PLEKHH2: variants seen among roughly 807,000 people sequenced by gnomAD.
The protein encoded by PLEKHH2 is pleckstrin homology, MyTH4 and FERM domain containing H2.
A neutral mutation model predicts 187.9 loss-of-function variants in PLEKHH2; 129 were observed. That is an observed-to-expected ratio of 0.69 (90% CI 0.59 to 0.79). The LOEUF is 0.79. Ranked by LOEUF, PLEKHH2 falls within the 30% of genes least tolerant of loss-of-function variation. The pLI, the probability that PLEKHH2 is intolerant of heterozygous loss-of-function variation, is 0.00. For missense variants in PLEKHH2, 2,076 were observed against 1,751.2 expected (o/e 1.19, Z -3.31); for synonymous variants, 686 against 605.6 (o/e 1.13, Z -1.95).
intron 27 of PLEKHH2, among the ~76,000 whole-genome samples, chr2:43,760,160 A>G (rs916685741): frequency 6.6e-6 from 1 of 152,160 alleles, no homozygotes; most frequent in South Asian, 2.1e-4. Flanking sequence ...GTAATATTAA[A>G]TACCCTTTTC....
chr2:43,735,732 G>T (rs1213762421), intron 19 of PLEKHH2, among the ~76,000 whole-genome samples: 1 of 152,108 alleles, frequency 6.6e-6, no homozygotes, highest in Non-Finnish European at 1.5e-5. Context: ...ATTTTTTAAT[G>T]TTAGAAAATA....
intron 23 of PLEKHH2, 141 bp from the exon 24 acceptor site, chr2:43,745,725 G>T (rs763878600): frequency 3.5e-6 from 2 of 576,440 alleles, no homozygotes; most frequent in Non-Finnish European, 3.0e-6. Flanking sequence ...ACTCAGAGCC[G>T]CACAGAGGCT....
At chr2:43,677,910 G>A (rs867264464) in intron 2 of PLEKHH2, among the ~76,000 whole-genome samples, 1 of 43,320 alleles carries the variant, frequency 2.3e-5, no homozygotes, top group Non-Finnish European at 6.3e-5. Flanking sequence ...AGGACGGGGC[G>A]GCTGGCCGGG....
chr2:43,731,385 T>G, intron 18 of PLEKHH2, 105 bp from the exon 19 acceptor site: 1 of 748,084 alleles, frequency 1.3e-6, no homozygotes, highest in Non-Finnish European at 2.2e-6. Flanking sequence ...TGACTTAAAG[T>G]TGTGAGCCAA....
At chr2:43,704,179 G>GAGATCGGAAGAGC in intron 9 of PLEKHH2, 123 bp downstream of exon 9, 1 of 647,498 alleles carries the variant, frequency 1.5e-6, no homozygotes, top group Non-Finnish European at 2.5e-6. Flanking sequence ...ACCTAAAGGA[G>GAGATCGGAAGAGC]GTGTTTAAAG....
At chr2:43,751,912 TTCTC>T (rs1225988506) in intron 24 of PLEKHH2, among the ~76,000 whole-genome samples, 7 of 151,290 alleles carry the variant, frequency 4.6e-5, no homozygotes, top group African/African-American at 1.5e-4. Flanking sequence ...CCAGTATTGT[TTCTC>T]TCTCTCTCTC....
intron 19 of PLEKHH2, among the ~76,000 whole-genome samples, chr2:43,732,916 G>T (rs543175467): frequency 6.6e-6 from 1 of 152,150 alleles, no homozygotes; most frequent in Non-Finnish European, 1.5e-5. Flanking sequence ...TAAAAATTCA[G>T]GGTCTTCCTC....
intron 16 of PLEKHH2, among the ~76,000 whole-genome samples, chr2:43,721,657 G>T (rs1406828238): frequency 6.6e-6 from 1 of 152,188 alleles, no homozygotes; most frequent in East Asian, 1.9e-4. Context: ...GCCAAGAGGT[G>T]GGAGGATCGT....
chr2:43,744,073 GTTTAA>G lies in PLEKHH2; in HGVS notation c.3555+87_3555+91del, dbSNP rs1671680157. 33 of 1,499,534 alleles carry G rather than the reference GTTTAA, an allele frequency of 2.2e-5. No homozygotes were observed. In the South Asian group the frequency reaches 4.4e-4, roughly 20 times the overall value. The allele number at this position is 1,499,534 out of a possible 1,614,324, so 92.9% of individuals were successfully genotyped here. A position where few individuals can be genotyped will look rare whatever the true frequency, so the allele number is the denominator to read the frequency against. ...ACAAGAAGAGTAAACTTTGCAAGAA[GTTTAA>G]TTCAGGAGTTTTCCAAAACTTTAAC... On this transcript the variant is annotated intron_variant, in intron 23 of 29. Transcript: ENST00000282406.
chr2:43,710,575 G>A lies in PLEKHH2; in HGVS notation c.2301G>A (p.Gln767=). 2 of 1,552,120 alleles carry A rather than the reference G, an allele frequency of 1.3e-6. No individual in the cohort carries two copies. The highest frequency in any genetic ancestry group is 8.7e-7 in the Non-Finnish European group (1 of 1,149,392). The part of the protein sequence containing the change: ...ILRGDNKQTV[Q]LTTEKHTYYL... Reference sequence around the variant, plus strand: ...GAGGAGATAACAAACAAACAGTTCAGGTACTTAACTTTTTTTTTTTTTTTT... The same window carrying A: ...GAGGAGATAACAAACAAACAGTTCAAGTACTTAACTTTTTTTTTTTTTTTT... The change falls in exon 14 of 30, where the codon CAG becomes CAA. Residue 767 remains glutamine, a splice_region_variant and synonymous_variant. Coordinates refer to ENST00000282406, the MANE Select transcript of PLEKHH2 (RefSeq NM_172069.4).
At chr2:43,654,385 T>G (rs1185752702) in intron 2 of PLEKHH2, among the ~76,000 whole-genome samples, 1 of 151,660 alleles carries the variant, frequency 6.6e-6, no homozygotes, top group Admixed American at 6.6e-5. Flanking sequence ...TTAGTAGAGA[T>G]GAGGTTTCAC....
At chr2:43,641,542 A>G (rs2104317139) in intron 1 of PLEKHH2, among the ~76,000 whole-genome samples, 1 of 151,834 alleles carries the variant, frequency 6.6e-6, no homozygotes, top group Admixed American at 6.6e-5. Context: ...GTGTTAGTGT[A>G]TTTTATGTGT....
intron 17 of PLEKHH2, among the ~76,000 whole-genome samples, chr2:43,729,359 T>C (rs924662763): frequency 2.0e-5 from 3 of 152,212 alleles, no homozygotes; most frequent in South Asian, 2.1e-4. Context: ...GCTGGTTGTA[T>C]TTAGTCTCTT....
chr2:43,673,778 A>C (rs1187313587), intron 2 of PLEKHH2, among the ~76,000 whole-genome samples: 3 of 152,210 alleles, frequency 2.0e-5, no homozygotes, highest in Admixed American at 6.5e-5. Flanking sequence ...CCATCATCAC[A>C]TAGCTAGTAT....
chr2:43,664,031 T>C (rs1667110522), intron 2 of PLEKHH2, among the ~76,000 whole-genome samples: 1 of 86,720 alleles, frequency 1.2e-5, no homozygotes, highest in African/African-American at 4.9e-5. Flanking sequence ...GTATCCTTGT[T>C]GACTTTCTGT....
At chr2:43,703,448 A>G (rs2104495846) in intron 8 of PLEKHH2, among the ~76,000 whole-genome samples, 1 of 152,348 alleles carries the variant, frequency 6.6e-6, no homozygotes, top group East Asian at 1.9e-4. Context: ...GTACATTGAC[A>G]TAGGAAGGCG....
At chr2:43,761,326 G>A (rs1363654943) in intron 27 of PLEKHH2, among the ~76,000 whole-genome samples, 2 of 151,024 alleles carry the variant, frequency 1.3e-5, no homozygotes, top group Admixed American at 6.6e-5. Context: ...ATGGGTTTCA[G>A]TTGGGTTCTA....
intron 15 of PLEKHH2, among the ~76,000 whole-genome samples, chr2:43,717,813 C>G (rs932334638): frequency 6.6e-6 from 1 of 152,214 alleles, no homozygotes; most frequent in African/African-American, 2.4e-5. Context: ...TAGAGCCAAC[C>G]TCACAGGGTA....
chr2:43,765,042 A>C (rs1315611756), intron 29 of PLEKHH2, among the ~76,000 whole-genome samples: 2 of 152,052 alleles, frequency 1.3e-5, no homozygotes, highest in Non-Finnish European at 2.9e-5. Context: ...TTAAGTGCAG[A>C]TCAGGGAGCT....
Sources: allele counts gnomAD v4.1 joint callset (sites outside exome capture counted in the v4.1 genomes callset), GRCh38; gene constraint gnomAD v4.1.1; transcripts MANE v1.5; gene names NCBI Gene and HGNC (gene_info 2026-07-23, HGNC 2026-07-21).